UGT1A10: variants seen among roughly 807,000 people sequenced by gnomAD.
UGT1A10 encodes the protein UDP glucuronosyltransferase family 1 member A10.
In UGT1A10, 49 loss-of-function variants were observed where a neutral mutation model predicts 45.8. The observed-to-expected ratio is 1.07, with a 90% CI of 0.85 to 1.36. The LOEUF (loss-of-function observed/expected upper bound fraction) is 1.36. UGT1A10 is among the 40% of genes most tolerant of loss of function. The probability of loss-of-function intolerance (pLI) is 0.00; values close to 1 mark genes in which losing one functional copy is unlikely to be tolerated. For missense variants in UGT1A10, 745 were observed against 668.6 expected (o/e 1.11, Z -1.26); for synonymous variants, 284 against 249.7 (o/e 1.14, Z -1.29).
At chr2:233,685,347 A>G (rs1314303035) in intron 1 of UGT1A10, among the ~76,000 whole-genome samples, 1 of 152,136 alleles carries the variant, frequency 6.6e-6, no homozygotes, top group Non-Finnish European at 1.5e-5. Context: ...AGTGGTTTTA[A>G]TGAGAAAAAA....
At chr2:233,695,130 C>CTTTCTCTTT (rs1364557158) in intron 1 of UGT1A10, among the ~76,000 whole-genome samples, 2 of 138,840 alleles carry the variant, frequency 1.4e-5, no homozygotes, top group African/African-American at 5.4e-5. Context: ...CTTTTCTTTT[C>CTTTCTCTTT]TTTTTTTTTT....
intron 1 of UGT1A10, among the ~76,000 whole-genome samples, chr2:233,765,522 C>T (rs1046114337): frequency 3.9e-5 from 6 of 151,992 alleles, no homozygotes; most frequent in East Asian, 1.9e-4. Flanking sequence ...AATCAAACAC[C>T]GCATGTTCTC....
chr2:233,764,964 G>A (rs1018241082), intron 1 of UGT1A10, among the ~76,000 whole-genome samples: 15 of 152,140 alleles, frequency 9.9e-5, no homozygotes, highest in Non-Finnish European at 2.9e-5. Context: ...CTCACCTTGG[G>A]AGAAGGATGG....
chr2:233,760,445 G>A (rs2125984169), intron 1 of UGT1A10: 1 of 1,614,212 alleles, frequency 6.2e-7, no homozygotes, highest in Non-Finnish European at 8.5e-7. Context: ...CTGCAGCAGA[G>A]GGGACATGAA....
intron 1 of UGT1A10, chr2:233,753,778 CT>C (rs1025040138): frequency 6.6e-6 from 1 of 152,232 alleles, no homozygotes; most frequent in African/African-American, 2.4e-5. Flanking sequence ...AAACGCTTTT[CT>C]TTACATTTCC....
chr2:233,698,547 CA>C (rs2075447093), intron 1 of UGT1A10, among the ~76,000 whole-genome samples: 1 of 152,080 alleles, frequency 6.6e-6, no homozygotes, highest in Non-Finnish European at 1.5e-5. Context: ...CACGAGTGGC[CA>C]ACAAAACTTT....
chr2:233,705,918 T>C (rs1302424656), intron 1 of UGT1A10, among the ~76,000 whole-genome samples: 1 of 152,048 alleles, frequency 6.6e-6, no homozygotes, highest in East Asian at 1.9e-4. Flanking sequence ...TGAAACTCCT[T>C]CTCTACTAAA....
chr2:233,715,252 A>C (rs74669452), intron 1 of UGT1A10, among the ~76,000 whole-genome samples: 1,791 of 152,300 alleles, frequency 0.012, 19 homozygotes, highest in South Asian at 0.027. Flanking sequence ...GTCTTTTAAA[A>C]AATCCCCTTA....
intron 4 of UGT1A10, chr2:233,771,715 T>C (rs1700358256): frequency 6.5e-6 from 1 of 152,904 alleles, no homozygotes; most frequent in African/African-American, 2.4e-5. Flanking sequence ...AAGGTTAAAA[T>C]ATTTCTAAAA....
rs4148324 is a variant in UGT1A10 at position 233,764,076 on chromosome 2, T to G, written c.856-2958T>G. ...GAAATGCATTTGGGAAGGGAAAATC[T>G]AATTAAAAGCCTAAACTAAAAATAC... On this transcript the variant is annotated intron_variant, in intron 1 of 4. Transcript: ENST00000344644. Among the ~76,000 whole-genome samples, 54,742 of 151,994 alleles carry G rather than the reference T, an allele frequency of 0.36. 10,244 individuals carry two copies. Among genetic ancestry groups the G allele is most frequent in the African/African-American group, 0.44 (18,411 of 41,456 alleles).
At chr2:233,712,194 G>T (rs796216388) in intron 1 of UGT1A10, among the ~76,000 whole-genome samples, 1 of 152,168 alleles carries the variant, frequency 6.6e-6, no homozygotes, top group Non-Finnish European at 1.5e-5. Context: ...CAGCTCCCCC[G>T]GTCCCTTGGT....
chr2:233,737,711 C>T (rs2078913752), intron 1 of UGT1A10, among the ~76,000 whole-genome samples: 1 of 152,172 alleles, frequency 6.6e-6, no homozygotes, highest in Admixed American at 6.5e-5. Flanking sequence ...GTTCTCCTCT[C>T]CAACACCTCC....
chr2:233,698,702 T>G (rs924104929), intron 1 of UGT1A10, among the ~76,000 whole-genome samples: 6 of 152,250 alleles, frequency 3.9e-5, no homozygotes, highest in Non-Finnish European at 8.8e-5. Flanking sequence ...AAAAAAAATG[T>G]GCAAAGCCTT....
chr2:233,702,215 T>C (rs1034307572), intron 1 of UGT1A10, among the ~76,000 whole-genome samples: 6 of 152,218 alleles, frequency 3.9e-5, no homozygotes, highest in Non-Finnish European at 7.4e-5. Flanking sequence ...ATCAACTTTC[T>C]GTCCTTATGA....
rs749552053 is a variant in UGT1A10 at position 233,760,309 on chromosome 2, G to A, written c.856-6725G>A. 18 of 1,613,646 alleles carry A rather than the reference G, an allele frequency of 1.1e-5. No individual in the cohort carries two copies. The highest frequency in any genetic ancestry group is 2.2e-5 in the East Asian group (1 of 44,886). On this transcript the variant is annotated intron_variant, in intron 1 of 4. Transcript: ENST00000344644. ...CGCCATGGCTGTGGAGTCCCAGGGCGGACGCCCACTTGTCCTGGGCCTGCT... is the reference window on the plus strand; with the variant it reads ...CGCCATGGCTGTGGAGTCCCAGGGCAGACGCCCACTTGTCCTGGGCCTGCT...
At chr2:233,747,694 T>C in intron 1 of UGT1A10, 1 of 1,611,670 alleles carries the variant, frequency 6.2e-7, no homozygotes, top group Non-Finnish European at 8.5e-7. Context: ...GGGGCAGTGC[T>C]GGCTAAGTAC....
At position 233,749,723 on chromosome 2, in the gene UGT1A10, C is replaced by T. The variant is rs564280843; in HGVS notation, c.856-17311C>T. On this transcript the variant is annotated intron_variant, in intron 1 of 4. Coordinates refer to ENST00000344644, the MANE Select transcript of UGT1A10 (RefSeq NM_019075.4). ...GGTGATTGGATCATGGGGGCAGTTT[C>T]GCACCTGCTGGTCTCATCATAGTGA... 3.3e-5 allele frequency among the ~76,000 whole-genome samples: 5 copies of T among 151,978 alleles called. No individual in the cohort carries two copies. The South Asian group carries it at 6.2e-4, about 19-fold the overall frequency.
chr2:233,753,752 T>C (rs1695297434), intron 1 of UGT1A10: 1 of 152,236 alleles, frequency 6.6e-6, no homozygotes, highest in African/African-American at 2.4e-5. Context: ...TAGGACAGTT[T>C]TGCGTGGCCC....
chr2:233,751,170 A>T (rs1445268336), intron 1 of UGT1A10, among the ~76,000 whole-genome samples: 1 of 151,986 alleles, frequency 6.6e-6, no homozygotes. Flanking sequence ...CATGACCTAG[A>T]TATGAGACAT....
Sources: allele counts gnomAD v4.1 joint callset (sites outside exome capture counted in the v4.1 genomes callset), GRCh38; gene constraint gnomAD v4.1.1; transcripts MANE v1.5; gene names NCBI Gene and HGNC (gene_info 2026-07-23, HGNC 2026-07-21).